The following BLTP3A variants were observed in gnomAD, a reference collection of about 807,000 sequenced individuals.
BLTP3A encodes the protein ICBP90 binding protein 1.
the BLTP3A span, among the ~76,000 whole-genome samples, chr6:34,802,942 A>G: frequency 6.6e-6 from 1 of 152,098 alleles, no homozygotes; most frequent in Non-Finnish European, 1.5e-5. Flanking sequence ...TTGGGAGGCT[A>G]AGGTGGACAG....
At chr6:34,827,888 T>TCC in the BLTP3A span, among the ~76,000 whole-genome samples, 2 of 152,182 alleles carry the variant, frequency 1.3e-5, no homozygotes, top group Admixed American at 6.5e-5. Flanking sequence ...CGCCTTGGCC[T>TCC]CCCAAAGTGC....
At chr6:34,818,978 A>G in the BLTP3A span, among the ~76,000 whole-genome samples, 1 of 152,168 alleles carries the variant, frequency 6.6e-6, no homozygotes, top group African/African-American at 2.4e-5. Flanking sequence ...AAGTTGGTAA[A>G]TATATAGATA....
At chr6:34,822,016 G>T in the BLTP3A span, 2 of 1,602,324 alleles carry the variant, frequency 1.2e-6, no homozygotes, top group Non-Finnish European at 8.5e-7. Flanking sequence ...GCTTTTAGAA[G>T]ATAAGGGAGA....
At chr6:34,872,291 T>G in the BLTP3A span, 10 of 1,595,828 alleles carry the variant, frequency 6.3e-6, no homozygotes, top group Non-Finnish European at 8.5e-6. Flanking sequence ...TATTTAACTG[T>G]TAACTACTTA....
the BLTP3A span, chr6:34,835,163 T>G: frequency 1.9e-6 from 2 of 1,026,130 alleles, no homozygotes; most frequent in Admixed American, 2.6e-5. Context: ...AGAAATTGTC[T>G]CTCCAAAGTG....
chr6:34,802,904 A>G, the BLTP3A span, among the ~76,000 whole-genome samples: 61 of 152,260 alleles, frequency 4.0e-4, no homozygotes, highest in African/African-American at 1.4e-3. Flanking sequence ...GGCTGGGCGC[A>G]GTGGCTTACA....
the BLTP3A span, among the ~76,000 whole-genome samples, chr6:34,829,826 CAA>C: frequency 6.6e-6 from 1 of 151,372 alleles, no homozygotes; most frequent in African/African-American, 2.4e-5. Flanking sequence ...TTTTTCAAGA[CAA>C]GAGTCTCGCT....
the BLTP3A span, among the ~76,000 whole-genome samples, chr6:34,860,113 A>G: frequency 6.6e-6 from 1 of 152,132 alleles, no homozygotes; most frequent in African/African-American, 2.4e-5. Context: ...TAGATATCCT[A>G]TATCTTGTAA....
At chr6:34,868,311 A>T in the BLTP3A span, among the ~76,000 whole-genome samples, 9 of 149,350 alleles carry the variant, frequency 6.0e-5, no homozygotes, top group Admixed American at 2.0e-4. Flanking sequence ...TGTCTCAAAA[A>T]ATATATATAT....
chr6:34,829,476 T>A, the BLTP3A span, among the ~76,000 whole-genome samples: 4 of 152,348 alleles, frequency 2.6e-5, no homozygotes, highest in East Asian at 7.7e-4. Flanking sequence ...AAATATATAC[T>A]CATTTGCTTC....
chr6:34,875,782 G>A, the BLTP3A span: 2 of 152,208 alleles, frequency 1.3e-5, no homozygotes, highest in South Asian at 2.1e-4. Flanking sequence ...TTTCATATTC[G>A]TGTTCATAAT....
chr6:34,840,324 G>A, the BLTP3A span, among the ~76,000 whole-genome samples: 21,905 of 151,326 alleles, frequency 0.14, 1,920 homozygotes, highest in African/African-American at 0.24. Context: ...TGCCAAAGGC[G>A]GGTGGGTCAC....
At chr6:34,834,450 C>T in the BLTP3A span, 44 of 1,598,916 alleles carry the variant, frequency 2.8e-5, no homozygotes, top group Non-Finnish European at 3.8e-5. Flanking sequence ...GGGGAATATT[C>T]AAAGTCAGAC....
chr6:34,803,672 C>G, the BLTP3A span, among the ~76,000 whole-genome samples: 1 of 152,170 alleles, frequency 6.6e-6, no homozygotes, highest in Non-Finnish European at 1.5e-5. Context: ...ACAGATACTC[C>G]AAAAGTTCCC....
At chr6:34,873,884 AT>A in the BLTP3A span, 9 of 152,800 alleles carry the variant, frequency 5.9e-5, no homozygotes, top group Non-Finnish European at 1.3e-4. Flanking sequence ...CCAATCATAG[AT>A]TTCTTTGTTC....
At chr6:34,836,344 G>T in the BLTP3A span, 2 of 1,613,764 alleles carry the variant, frequency 1.2e-6, no homozygotes, top group Non-Finnish European at 1.7e-6. Context: ...AGTCCCGAGA[G>T]CCAGGTACCC....
the BLTP3A span, among the ~76,000 whole-genome samples, chr6:34,847,795 G>A: frequency 1.4e-3 from 205 of 143,862 alleles, 1 homozygote; most frequent in Admixed American, 4.4e-3. Flanking sequence ...ATTTCTGCTT[G>A]ATCTTTAGTA....
At chr6:34,812,217 AC>A in the BLTP3A span, among the ~76,000 whole-genome samples, 1 of 151,134 alleles carries the variant, frequency 6.6e-6, no homozygotes, top group Non-Finnish European at 1.5e-5. Flanking sequence ...AATCCCAACT[AC>A]TCGGGAGGCT....
chr6:34,837,336 G>A, the BLTP3A span, among the ~76,000 whole-genome samples: 1 of 152,124 alleles, frequency 6.6e-6, no homozygotes, highest in Non-Finnish European at 1.5e-5. Flanking sequence ...GAGCTTAGGA[G>A]TTTGAGACCA....
Sources: gnomAD v4.1 joint callset for allele counts (sites outside exome capture counted in the v4.1 genomes callset) on GRCh38, gnomAD v4.1.1 for gene constraint, MANE v1.5 for transcripts, NCBI Gene and HGNC (gene_info 2026-07-23, HGNC 2026-07-21) for gene names.